The following ASB3 variants were observed in gnomAD, a reference collection of about 807,000 sequenced individuals.
ASB3 encodes the protein ankyrin repeat and SOCS box protein 3.
ASB3 carries 41 observed loss-of-function variants against 54.5 expected under a neutral mutation model. The observed-to-expected ratio is 0.75, with a 90% CI of 0.59 to 0.98. The LOEUF is 0.98. Ranked by LOEUF, ASB3 falls within the 50% of genes least tolerant of loss-of-function variation. The pLI is 0.00. For synonymous variants in ASB3, 266 were observed against 221.2 expected (o/e 1.20, Z -1.80); for missense variants, 733 against 620.0 (o/e 1.18, Z -1.94).
At chr2:53,726,620 A>G (rs1302074874) in intron 5 of ASB3, among the ~76,000 whole-genome samples, 1 of 151,382 alleles carries the variant, frequency 6.6e-6, no homozygotes, top group East Asian at 1.9e-4. Flanking sequence ...ATATATACAC[A>G]CATATATATA....
chr2:53,727,264 G>A (rs1025096601), intron 5 of ASB3, among the ~76,000 whole-genome samples: 4 of 152,172 alleles, frequency 2.6e-5, no homozygotes, highest in Admixed American at 6.6e-5. Context: ...GGCACTTAAT[G>A]AATGTTTGTT....
intron 7 of ASB3, among the ~76,000 whole-genome samples, chr2:53,704,979 A>G (rs992031348): frequency 6.6e-6 from 1 of 152,190 alleles, no homozygotes; most frequent in Non-Finnish European, 1.5e-5. Context: ...ATAAGTGACT[A>G]TTATTTCACA....
intron 5 of ASB3, among the ~76,000 whole-genome samples, chr2:53,718,037 A>C (rs1670494404): frequency 6.6e-6 from 1 of 152,220 alleles, no homozygotes; most frequent in Non-Finnish European, 1.5e-5. Flanking sequence ...AATATTTGAT[A>C]ATGTAAAGCA....
intron 9 of ASB3, among the ~76,000 whole-genome samples, chr2:53,687,172 C>T (rs1350825603): frequency 6.6e-6 from 1 of 151,874 alleles, no homozygotes; most frequent in Non-Finnish European, 1.5e-5. Flanking sequence ...CTTGGATTAA[C>T]AAGAGGCTAT....
At chr2:53,767,773 G>C (rs1012273729) in intron 1 of ASB3, 3 of 1,313,232 alleles carry the variant, frequency 2.3e-6, no homozygotes, top group Non-Finnish European at 3.1e-6. Context: ...GCCCCAAGTG[G>C]CCATCGCGCC....
At chr2:53,670,781 G>T in intron 9 of ASB3, 91 bp from the exon 10 acceptor site, 1 of 1,375,528 alleles carries the variant, frequency 7.3e-7, no homozygotes, top group Non-Finnish European at 9.8e-7. Flanking sequence ...CCAACTCTTA[G>T]TAATAAAAGT....
At chr2:53,717,008 C>T (rs183746864) in intron 5 of ASB3, among the ~76,000 whole-genome samples, 102 of 152,224 alleles carry the variant, frequency 6.7e-4, no homozygotes, top group African/African-American at 2.4e-3. Flanking sequence ...CTTGAGGCCA[C>T]GTGTTTGAGA....
At chr2:53,713,272 T>C (rs1670206237) in intron 7 of ASB3, among the ~76,000 whole-genome samples, 1 of 152,244 alleles carries the variant, frequency 6.6e-6, no homozygotes, top group African/African-American at 2.4e-5. Flanking sequence ...AAATAATTTC[T>C]TGATAACTAC....
At chr2:53,686,052 T>G (rs1294242796) in intron 9 of ASB3, among the ~76,000 whole-genome samples, 4 of 152,308 alleles carry the variant, frequency 2.6e-5, no homozygotes, top group Non-Finnish European at 2.9e-5. Context: ...ACCTTTACAA[T>G]AGCCTTTTTA....
chr2:53,731,425 A>AAACAG (rs1671305255), intron 3 of ASB3, among the ~76,000 whole-genome samples: 1 of 152,018 alleles, frequency 6.6e-6, no homozygotes, highest in Non-Finnish European at 1.5e-5. Flanking sequence ...AAACAAAACA[A>AAACAG]AACAAAAAAC....
At chr2:53,710,913 G>C (rs999364205) in intron 7 of ASB3, among the ~76,000 whole-genome samples, 1 of 151,936 alleles carries the variant, frequency 6.6e-6, no homozygotes, top group Non-Finnish European at 1.5e-5. Context: ...GATCACCTGA[G>C]CTCGGAGTTC....
chr2:53,716,506 T>A, intron 6 of ASB3, 60 bp downstream of exon 6: 2 of 1,570,788 alleles, frequency 1.3e-6, no homozygotes, highest in Non-Finnish European at 1.7e-6. Context: ...CTAGCCCAGA[T>A]TTATTCTTTA....
At chr2:53,752,956 TAAAAA>T (rs1177623346) in intron 2 of ASB3, among the ~76,000 whole-genome samples, 1 of 150,394 alleles carries the variant, frequency 6.6e-6, no homozygotes, top group African/African-American at 2.4e-5. Context: ...CTCCTCCACT[TAAAAA>T]GAAAAAAAAG....
At chr2:53,703,367 G>A (rs1669596747) in intron 7 of ASB3, among the ~76,000 whole-genome samples, 1 of 152,196 alleles carries the variant, frequency 6.6e-6, no homozygotes, top group South Asian at 2.1e-4. Context: ...GTGGTGAAAG[G>A]AGCTAAGTGT....
chr2:53,673,834 T>C (rs924993786), intron 9 of ASB3, among the ~76,000 whole-genome samples: 1 of 152,190 alleles, frequency 6.6e-6, no homozygotes, highest in Non-Finnish European at 1.5e-5. Context: ...ACCATTTTGG[T>C]TTTCCTTCTA....
chr2:53,711,485 C>T (rs1458678505), intron 7 of ASB3, among the ~76,000 whole-genome samples: 2 of 152,136 alleles, frequency 1.3e-5, no homozygotes, highest in African/African-American at 4.8e-5. Context: ...CAGGGCAACA[C>T]AGCAGAAGAA....
intron 5 of ASB3, among the ~76,000 whole-genome samples, chr2:53,723,839 C>T (rs1670845287): frequency 6.6e-6 from 1 of 152,134 alleles, no homozygotes; most frequent in South Asian, 2.1e-4. Flanking sequence ...GAGTTAGAGA[C>T]TCCTTATTCA....
At chr2:53,691,301 C>T (rs1215210524) in intron 9 of ASB3, among the ~76,000 whole-genome samples, 2 of 152,046 alleles carry the variant, frequency 1.3e-5, no homozygotes, top group African/African-American at 4.8e-5. Context: ...CATGGCATCT[C>T]CAGGACTTGA....
intron 3 of ASB3, among the ~76,000 whole-genome samples, chr2:53,741,346 T>C (rs998228688): frequency 2.0e-5 from 3 of 152,242 alleles, no homozygotes; most frequent in African/African-American, 7.2e-5. Context: ...CTACTCAACA[T>C]TGTCACAAAC....
Sources: allele counts gnomAD v4.1 joint callset (sites outside exome capture counted in the v4.1 genomes callset), GRCh38; gene constraint gnomAD v4.1.1; transcripts MANE v1.5; gene names NCBI Gene and HGNC (gene_info 2026-07-23, HGNC 2026-07-21).